The following GYPE variants were observed in gnomAD, a reference collection of about 807,000 sequenced individuals.
The protein encoded by GYPE is glycophorin-E.
In GYPE, 8 loss-of-function variants were observed where a neutral mutation model predicts 11.6. The observed-to-expected ratio is 0.69, with a 90% CI of 0.41 to 1.25. The LOEUF is 1.25. GYPE is among the 50% of genes most tolerant of loss of function. GYPE has a pLI of 0.01. For missense variants in GYPE, 90 were observed against 92.8 expected (o/e 0.97, Z 0.12); for synonymous variants, 28 against 29.6 (o/e 0.94, Z 0.18).
At chr4:143,873,477 T>A in intron 3 of GYPE, 1 of 455,666 alleles carries the variant, frequency 2.2e-6, no homozygotes, top group Non-Finnish European at 4.4e-6. Flanking sequence ...TAACACAACC[T>A]ACAAGAGAGA....
Position 143,876,740 on chromosome 4 carries a change from T to G in GYPE, c.*9+6A>C. 1 of 1,464,938 alleles carries G rather than the reference T, an allele frequency of 6.8e-7. No individual in the cohort carries two copies. Among genetic ancestry groups the G allele is most frequent in the East Asian group, 2.3e-5 (1 of 43,814 alleles). The allele number at this position is 1,464,938 out of a possible 1,614,324, so 90.7% of individuals were successfully genotyped here. ...TTTAGAGCAAAATTAAAAACTGAAT[T>G]CTCACCTTTATCAGTCATCGAATAC... On this transcript the variant is annotated splice_donor_region_variant and intron_variant, in intron 3 of 3. Coordinates refer to ENST00000358615, the MANE Select transcript of GYPE (RefSeq NM_198682.3).
At chr4:143,902,554 C>A (rs186956319) in intron 1 of GYPE, among the ~76,000 whole-genome samples, 206 of 151,862 alleles carry the variant, frequency 1.4e-3, no homozygotes, top group African/African-American at 4.6e-3. Context: ...TCTCTTCTCC[C>A]TTCTTGCCTC....
chr4:143,884,864 C>A, intron 1 of GYPE, among the ~76,000 whole-genome samples: 1 of 91,408 alleles, frequency 1.1e-5, no homozygotes, highest in African/African-American at 4.0e-5. Flanking sequence ...TGGTGAGGCA[C>A]CAAATGCTGT....
At chr4:143,900,083 C>CGTA (rs1287727856) in intron 1 of GYPE, among the ~76,000 whole-genome samples, 3 of 150,984 alleles carry the variant, frequency 2.0e-5, no homozygotes, top group Non-Finnish European at 4.4e-5. Flanking sequence ...AGAAAGAACT[C>CGTA]TTACAACTTA....
At chr4:143,885,001 AC>A (rs1744180394) in intron 1 of GYPE, among the ~76,000 whole-genome samples, 2 of 150,982 alleles carry the variant, frequency 1.3e-5, no homozygotes, top group South Asian at 4.2e-4. Flanking sequence ...GGAAAAAAAA[AC>A]ATGCCAGAGC....
At chr4:143,902,195 C>T (rs1744891960) in intron 1 of GYPE, among the ~76,000 whole-genome samples, 1 of 151,972 alleles carries the variant, frequency 6.6e-6, no homozygotes, top group African/African-American at 2.4e-5. Context: ...TACTATGTGG[C>T]TGACAATGTG....
intron 1 of GYPE, among the ~76,000 whole-genome samples, chr4:143,898,109 G>A (rs1188896340): frequency 6.6e-6 from 1 of 152,210 alleles, no homozygotes; most frequent in Non-Finnish European, 1.5e-5. Flanking sequence ...TGGTGCAATG[G>A]CTCATGCCTG....
intron 1 of GYPE, among the ~76,000 whole-genome samples, chr4:143,895,762 C>T (rs1744604500): frequency 6.6e-6 from 1 of 150,888 alleles, no homozygotes; most frequent in Admixed American, 6.6e-5. Flanking sequence ...AACTATACTA[C>T]AAGGCTACAG....
intron 1 of GYPE, among the ~76,000 whole-genome samples, chr4:143,903,509 G>A (rs1401842582): frequency 2.6e-5 from 2 of 78,088 alleles, no homozygotes; most frequent in Admixed American, 4.2e-4. Flanking sequence ...CAAGGCAATC[G>A]TCTTTTTTTC....
At chr4:143,903,779 CT>C (rs1373070449) in intron 1 of GYPE, among the ~76,000 whole-genome samples, 1 of 148,664 alleles carries the variant, frequency 6.7e-6, no homozygotes, top group Non-Finnish European at 1.5e-5. Flanking sequence ...CTTTAATTCA[CT>C]ATCTGCTTGT....
intron 2 of GYPE, among the ~76,000 whole-genome samples, chr4:143,878,221 G>A (rs1486804082): frequency 2.0e-5 from 3 of 152,074 alleles, no homozygotes; most frequent in Admixed American, 6.6e-5. Context: ...AAACTCCCAG[G>A]CTCAGGCAAT....
intron 1 of GYPE, among the ~76,000 whole-genome samples, chr4:143,900,159 TA>T (rs1205018277): frequency 2.0e-5 from 3 of 151,336 alleles, no homozygotes; most frequent in Admixed American, 6.6e-5. Flanking sequence ...TCTCCAAAGA[TA>T]TGCAAAATGC....
At chr4:143,875,555 A>G in intron 3 of GYPE, 6 of 1,550,572 alleles carry the variant, frequency 3.9e-6, no homozygotes, top group Non-Finnish European at 5.2e-6. Context: ...CTGCTTGACC[A>G]TGAGCTACGC....
chr4:143,878,554 T>A (rs537501867), intron 2 of GYPE: 90 of 437,640 alleles, frequency 2.1e-4, no homozygotes, highest in Middle Eastern at 3.3e-4. Context: ...GTTTTAAGAT[T>A]GACACATTTT....
At chr4:143,885,427 A>C (rs1460443478) in intron 1 of GYPE, among the ~76,000 whole-genome samples, 2 of 152,100 alleles carry the variant, frequency 1.3e-5, no homozygotes, top group African/African-American at 4.8e-5. Context: ...TTTCTTCTTC[A>C]ACAGTTTCTT....
intron 1 of GYPE, among the ~76,000 whole-genome samples, chr4:143,890,264 A>G (rs971473773): frequency 6.6e-6 from 1 of 152,160 alleles, no homozygotes; most frequent in African/African-American, 2.4e-5. Flanking sequence ...TTTCCAGCCA[A>G]GCATATTCCA....
intron 1 of GYPE, among the ~76,000 whole-genome samples, chr4:143,894,815 T>A (rs1296691953): frequency 1.3e-5 from 2 of 152,016 alleles, no homozygotes; most frequent in Non-Finnish European, 2.9e-5. Context: ...CATGATCAAG[T>A]GGGCTTCATC....
chr4:143,890,063 C>T (rs1417052597), intron 1 of GYPE, among the ~76,000 whole-genome samples: 1 of 152,176 alleles, frequency 6.6e-6, no homozygotes, highest in Non-Finnish European at 1.5e-5. Flanking sequence ...AATTCTCAAG[C>T]AAGCCTTCAC....
At chr4:143,876,513 C>T in intron 3 of GYPE, among the ~76,000 whole-genome samples, 1 of 152,066 alleles carries the variant, frequency 6.6e-6, no homozygotes, top group South Asian at 2.1e-4. Context: ...TTAGGGAGAG[C>T]TTTCATTGGG....
Sources: allele counts gnomAD v4.1 joint callset (sites outside exome capture counted in the v4.1 genomes callset), GRCh38; gene constraint gnomAD v4.1.1; transcripts MANE v1.5; gene names NCBI Gene and HGNC (gene_info 2026-07-23, HGNC 2026-07-21).